Variants in C1orf21 observed in about 807,000 individuals in gnomAD.
C1orf21 encodes the protein chromosome 1 open reading frame 21, also known as uncharacterized protein C1orf21.
A neutral mutation model predicts 18.7 loss-of-function variants in C1orf21; 3 were observed. That is an observed-to-expected ratio of 0.16 (90% CI 0.07 to 0.42). C1orf21 has a LOEUF of 0.42. Among genes scored for constraint, C1orf21 ranks in the 10% least tolerant of loss-of-function variants. The pLI is 0.99. For synonymous variants in C1orf21, 41 were observed against 46.4 expected (o/e 0.88, Z 0.47); for missense variants, 104 against 143.6 (o/e 0.72, Z 1.41).
At chr1:184,418,937 T>A (rs1028633978) in intron 1 of C1orf21, among the ~76,000 whole-genome samples, 1 of 152,238 alleles carries the variant, frequency 6.6e-6, no homozygotes, top group African/African-American at 2.4e-5. Flanking sequence ...GTTATAAAAG[T>A]ACAGCTTCTT....
At position 184,496,947 on chromosome 1, in the gene C1orf21, C is replaced by T. The variant is rs1010659124; in HGVS notation, c.95-10641C>T. 1.3e-4 allele frequency among the ~76,000 whole-genome samples: 20 copies of T among 152,142 alleles called. 1 individual carries two copies. The highest frequency in any genetic ancestry group is 1.2e-3 in the Admixed American group (19 of 15,286). ...AGAACATTCAAGGTGTCTTACTCTA[C>T]GTTTAAATAGGTTACAAATAGATGG... On this transcript the variant is annotated intron_variant, in intron 2 of 5. Transcript: ENST00000235307.
chr1:184,479,121 GT>G (rs1245565408), intron 2 of C1orf21, among the ~76,000 whole-genome samples: 46 of 152,174 alleles, frequency 3.0e-4, no homozygotes, highest in African/African-American at 1.1e-3. Flanking sequence ...GAACAAATTT[GT>G]TTCTACTGGT....
At chr1:184,473,383 C>T (rs375250697) in intron 1 of C1orf21, among the ~76,000 whole-genome samples, 1 of 151,890 alleles carries the variant, frequency 6.6e-6, no homozygotes, top group Non-Finnish European at 1.5e-5. Flanking sequence ...TCTCTCTAAG[C>T]GCTGTGGTTT....
chr1:184,440,936 G>C (rs1052480621), intron 1 of C1orf21, among the ~76,000 whole-genome samples: 3 of 152,202 alleles, frequency 2.0e-5, no homozygotes, highest in Non-Finnish European at 4.4e-5. Context: ...ATAGCTGAAA[G>C]ATAGAGAAGT....
At chr1:184,470,418 A>G (rs1439304677) in intron 1 of C1orf21, among the ~76,000 whole-genome samples, 2 of 152,234 alleles carry the variant, frequency 1.3e-5, no homozygotes, top group Non-Finnish European at 2.9e-5. Flanking sequence ...TAAGATACTA[A>G]CAAGGAAATC....
At chr1:184,508,450 A>G (rs1658098725) in intron 3 of C1orf21, among the ~76,000 whole-genome samples, 1 of 152,196 alleles carries the variant, frequency 6.6e-6, no homozygotes, top group South Asian at 2.1e-4. Flanking sequence ...CTGAGTTAAA[A>G]AGGTATTTTT....
chr1:184,407,639 T>C (rs1178153166), intron 1 of C1orf21, among the ~76,000 whole-genome samples: 1 of 152,130 alleles, frequency 6.6e-6, no homozygotes, highest in African/African-American at 2.4e-5. Context: ...CCTTGGATTA[T>C]TTTGGTAGCT....
chr1:184,487,224 G>A (rs1171694584), intron 2 of C1orf21, among the ~76,000 whole-genome samples: 3 of 152,176 alleles, frequency 2.0e-5, no homozygotes, highest in Non-Finnish European at 2.9e-5. Context: ...CTTGCTATGA[G>A]CACCTCTCCA....
intron 3 of C1orf21, among the ~76,000 whole-genome samples, chr1:184,575,628 AAAAG>A (rs1325841443): frequency 3.2e-4 from 40 of 125,122 alleles, no homozygotes; most frequent in South Asian, 8.8e-4. Context: ...AAAAAAAAAA[AAAAG>A]AAGAACTTTA....
At chr1:184,588,533 C>G (rs1301277825) in intron 3 of C1orf21, among the ~76,000 whole-genome samples, 1 of 152,162 alleles carries the variant, frequency 6.6e-6, no homozygotes, top group Non-Finnish European at 1.5e-5. Flanking sequence ...CTGCTTATTA[C>G]TTGTATGGTC....
intron 3 of C1orf21, among the ~76,000 whole-genome samples, chr1:184,542,875 A>G (rs554025843): frequency 3.3e-5 from 5 of 152,334 alleles, no homozygotes; most frequent in South Asian, 2.1e-4. Flanking sequence ...CCTGCCTTCC[A>G]TAGCCACATT....
At chr1:184,516,937 G>A (rs985275326) in intron 3 of C1orf21, among the ~76,000 whole-genome samples, 1 of 152,226 alleles carries the variant, frequency 6.6e-6, no homozygotes, top group Non-Finnish European at 1.5e-5. Flanking sequence ...CATCCAGTTG[G>A]TGAAAACTGG....
At position 184,477,587 on chromosome 1, in the gene C1orf21, C is replaced by A; in HGVS notation, c.78C>A (p.Asn26Lys). 6.2e-7 allele frequency: 1 copy of A among 1,613,926 alleles called. No individual in the cohort carries two copies. Among genetic ancestry groups the A allele is most frequent in the Non-Finnish European group, 8.5e-7 (1 of 1,179,882 alleles). Residue 26 changes from asparagine to lysine, a missense_variant, in exon 2 of 6, where the codon AAC (asparagine) becomes AAA (lysine). Coordinates refer to ENST00000235307, the MANE Select transcript of C1orf21 (RefSeq NM_030806.4). ...EEAQKGKNYQ[N>K]GDVFGDEYRI... ...CCCAGAAAGGGAAAAACTACCAGAA[C>A]GGAGATGTGTTTGGCGGTGAGTCCT...
At chr1:184,574,636 G>C (rs1472686120) in intron 3 of C1orf21, among the ~76,000 whole-genome samples, 1 of 152,120 alleles carries the variant, frequency 6.6e-6, no homozygotes, top group African/African-American at 2.4e-5. Flanking sequence ...CTTAAGTGGA[G>C]AGGCAAGGAA....
chr1:184,523,587 G>A (rs528594523), intron 3 of C1orf21, among the ~76,000 whole-genome samples: 94 of 152,228 alleles, frequency 6.2e-4, no homozygotes, highest in Middle Eastern at 3.4e-3. Flanking sequence ...AATAAAAACC[G>A]TAAGGGAGTG....
intron 1 of C1orf21, among the ~76,000 whole-genome samples, chr1:184,391,975 T>C (rs556023521): frequency 2.0e-5 from 3 of 152,356 alleles, no homozygotes; most frequent in African/African-American, 7.2e-5. Context: ...CCCAAAGTGC[T>C]GGGATTACAG....
intron 3 of C1orf21, among the ~76,000 whole-genome samples, chr1:184,563,302 A>C (rs191176847): frequency 1.3e-5 from 2 of 152,338 alleles, no homozygotes; most frequent in Admixed American, 6.5e-5. Flanking sequence ...ATGCTTCTGC[A>C]TGAATAAAAA....
intron 1 of C1orf21, among the ~76,000 whole-genome samples, chr1:184,418,243 G>A (rs968186413): frequency 6.6e-5 from 10 of 151,328 alleles, no homozygotes; most frequent in African/African-American, 2.4e-4. Flanking sequence ...TTTGGAGATA[G>A]GGTCTTACTC....
chr1:184,522,546 T>G (rs975556050), intron 3 of C1orf21, among the ~76,000 whole-genome samples: 1 of 152,024 alleles, frequency 6.6e-6, no homozygotes, highest in Non-Finnish European at 1.5e-5. Context: ...CACAATATGA[T>G]GGGATATGTC....
Sources: allele counts gnomAD v4.1 joint callset (sites outside exome capture counted in the v4.1 genomes callset), GRCh38; gene constraint gnomAD v4.1.1; transcripts MANE v1.5; gene names NCBI Gene and HGNC (gene_info 2026-07-23, HGNC 2026-07-21).